C7orf57: variants seen among roughly 807,000 people sequenced by gnomAD.
The protein encoded by C7orf57 is uncharacterized protein C7orf57.
In C7orf57, 33 loss-of-function variants were observed where a neutral mutation model predicts 39.0. That is an observed-to-expected ratio of 0.85 (90% CI 0.64 to 1.13). The LOEUF (loss-of-function observed/expected upper bound fraction) is 1.13, where lower values mean the gene tolerates loss of function less well. Ranked by LOEUF, C7orf57 falls within the 50% of genes most tolerant of loss-of-function variation. The probability of loss-of-function intolerance (pLI) is 0.00; values close to 1 mark genes in which losing one functional copy is unlikely to be tolerated. For synonymous variants in C7orf57, 124 were observed against 137.1 expected, an observed-to-expected ratio of 0.90 and a Z score of 0.67; for missense variants, 346 against 362.3, an observed-to-expected ratio of 0.95 and a Z score of 0.37.
At chr7:48,040,502 C>G (rs1379931246) in intron 2 of C7orf57, among the ~76,000 whole-genome samples, 1 of 152,208 alleles carries the variant, frequency 6.6e-6, no homozygotes, top group South Asian at 2.1e-4. Flanking sequence ...TTTTCAGGAA[C>G]CATCTAGACC....
At chr7:48,053,016 A>G in intron 7 of C7orf57, 93 bp downstream of exon 7, 1 of 1,020,810 alleles carries the variant, frequency 9.8e-7, no homozygotes, top group Non-Finnish European at 1.5e-6. Flanking sequence ...TCTCGTAATG[A>G]GAAATGAGTA....
intron 2 of C7orf57, among the ~76,000 whole-genome samples, chr7:48,040,919 C>T (rs566252367): frequency 6.6e-6 from 1 of 152,314 alleles, no homozygotes; most frequent in South Asian, 2.1e-4. Context: ...CACAGGCTTA[C>T]CCATAACGTT....
At chr7:48,054,845 A>AGATGAT (rs756547871) in intron 8 of C7orf57, among the ~76,000 whole-genome samples, 76 of 150,010 alleles carry the variant, frequency 5.1e-4, no homozygotes, top group African/African-American at 1.4e-3. Context: ...AACAGGATGA[A>AGATGAT]GATGATGATG....
At chr7:48,044,959 A>G (rs973997166) in intron 4 of C7orf57, among the ~76,000 whole-genome samples, 8 of 152,184 alleles carry the variant, frequency 5.3e-5, no homozygotes, top group African/African-American at 1.9e-4. Context: ...TGTTACTTGA[A>G]TGTTCTGCAC....
At position 48,041,246 on chromosome 7, in the gene C7orf57, GT is replaced by G. The variant is rs1790537192; in HGVS notation, c.56-86del. 3 of 1,236,394 alleles carry G rather than the reference GT, an allele frequency of 2.4e-6. No individual in the cohort carries two copies. In the South Asian group the frequency reaches 4.8e-5, roughly 20 times the overall value. 76.6% of individuals were successfully genotyped at this position (1,236,394 alleles called of 1,614,324 possible). A position where few individuals can be genotyped will look rare whatever the true frequency, so the allele number is the denominator to read the frequency against. Reference sequence around the variant, plus strand: ...GGCTTGCACTGCCCCACCTGATGGTGTTGTCTGCATAGAGATACTCTGGTAG... The same window carrying G: ...GGCTTGCACTGCCCCACCTGATGGTGTGTCTGCATAGAGATACTCTGGTAG... On this transcript the variant is annotated intron_variant, in intron 2 of 8. Coordinates refer to ENST00000348904, the MANE Select transcript of C7orf57 (RefSeq NM_001100159.3).
chr7:48,050,827 A>G (rs1165758337), intron 6 of C7orf57, among the ~76,000 whole-genome samples: 1 of 151,730 alleles, frequency 6.6e-6, no homozygotes, highest in Non-Finnish European at 1.5e-5. Context: ...GCACCACCAC[A>G]CCCAGCTAAT....
Position 48,043,538 on chromosome 7 carries a change from TGCCAGAC to T in C7orf57, c.300_306del (p.Pro101GlyfsTer50). 1 of 1,613,990 alleles carries T rather than the reference TGCCAGAC, an allele frequency of 6.2e-7. No individual in the cohort carries two copies. Among genetic ancestry groups the T allele is most frequent in the South Asian group, 1.1e-5 (1 of 91,070 alleles). On this transcript the variant is annotated frameshift_variant, in exon 4 of 9. Transcript: ENST00000348904. LOFTEE classifies it high-confidence loss of function. ...AAAGGCTCTCCAGTGGCCTACTCCC[TGCCAGAC>T]TGGTATATCCACCACAGCAAGCCAC...
chr7:48,059,306 T>C (rs1458422793), intron 8 of C7orf57, among the ~76,000 whole-genome samples: 1 of 152,234 alleles, frequency 6.6e-6, no homozygotes, highest in African/African-American at 2.4e-5. Flanking sequence ...TCTCTCCACT[T>C]AGAGTGTGTT....
At chr7:48,054,886 A>T (rs7803968) in intron 8 of C7orf57, among the ~76,000 whole-genome samples, 20,801 of 150,090 alleles carry the variant, frequency 0.14, 2,236 homozygotes, top group African/African-American at 0.3. Flanking sequence ...TATTATTATT[A>T]TTTTTTTTGA....
intron 6 of C7orf57, among the ~76,000 whole-genome samples, chr7:48,052,071 T>G (rs531550475): frequency 1.6e-4 from 24 of 151,496 alleles, no homozygotes; most frequent in Admixed American, 4.6e-4. Flanking sequence ...CCTCCCAAGT[T>G]CAAGCAATTC....
rs553478065 is a variant in C7orf57, at chr7:48,046,567, A to G, written c.458A>G (p.Lys153Arg). ...SRRGPFDFDM[K>R]TVWQREAEEL... ...AGAGGGCCCTTCGACTTCGACATGA[A>G]AACAGTTTGGCAAAGAGAGGCTGAG... Residue 153 changes from lysine to arginine, a missense_variant, in exon 5 of 9, where the codon AAA becomes AGA. Coordinates refer to ENST00000348904, the MANE Select transcript of C7orf57 (RefSeq NM_001100159.3). The G allele has an allele frequency of 3.7e-6, 6 of 1,613,838 alleles. No individual in the cohort carries two copies. In the East Asian group the frequency reaches 1.1e-4, roughly 30 times the overall value.
intron 3 of C7orf57, among the ~76,000 whole-genome samples, chr7:48,042,685 T>G (rs1176147239): frequency 7.3e-6 from 1 of 136,676 alleles, no homozygotes; most frequent in African/African-American, 2.7e-5. Context: ...GCTTTAAAAG[T>G]AAAAAAAAAA....
intron 6 of C7orf57, among the ~76,000 whole-genome samples, chr7:48,051,818 TC>T: frequency 1.4e-4 from 1 of 6,912 alleles, no homozygotes; most frequent in Admixed American, 1.7e-3. Context: ...TTTTCTCTTC[TC>T]TTTCTTTCTT....
chr7:48,041,866 C>A (rs1790560742), intron 3 of C7orf57, among the ~76,000 whole-genome samples: 1 of 152,210 alleles, frequency 6.6e-6, no homozygotes, highest in Admixed American at 6.5e-5. Flanking sequence ...TCTTTGCATG[C>A]TACCAATTCT....
At chr7:48,044,476 C>T (rs533257622) in intron 4 of C7orf57, among the ~76,000 whole-genome samples, 1 of 152,258 alleles carries the variant, frequency 6.6e-6, no homozygotes, top group South Asian at 2.1e-4. Context: ...CGCTTTTAGC[C>T]TAATTGGTAT....
intron 6 of C7orf57, 84 bp from the exon 7 acceptor site, chr7:48,052,615 CT>C: frequency 9.0e-7 from 1 of 1,109,944 alleles, no homozygotes; most frequent in Non-Finnish European, 1.3e-6. Flanking sequence ...GTGACACCTC[CT>C]ATTTGGTGTG....
rs1419966817 is a variant in C7orf57, at chr7:48,035,707, G to C, written c.-102+77G>C. 7 of 589,072 alleles carry C rather than the reference G, an allele frequency of 1.2e-5. No individual in the cohort carries two copies. In the Admixed American group the frequency reaches 2.0e-4, roughly 17 times the overall value. The allele number at this position is 589,072 out of a possible 1,614,324, so 36.5% of individuals were successfully genotyped here. A position where few individuals can be genotyped will look rare whatever the true frequency, so the allele number is the denominator to read the frequency against. On this transcript the variant is annotated intron_variant, in intron 1 of 8. Transcript: ENST00000348904. The surrounding 1 kb of genome is among the most constrained non-coding windows in gnomAD (Gnocchi z 4.0). ...CCTTGTCCACTGTGCGGAGCTCGCA[G>C]TGCGGGCAGTGCGCGCCGGGGCTGG...
At chr7:48,043,613 T>A (rs1191355210) in intron 4 of C7orf57, 24 bp downstream of exon 4, 6 of 1,579,276 alleles carry the variant, frequency 3.8e-6, no homozygotes, top group Non-Finnish European at 5.2e-6. Flanking sequence ...AGCACTCACA[T>A]TTTTGTTTAT....
intron 8 of C7orf57, among the ~76,000 whole-genome samples, chr7:48,058,207 A>G (rs553048976): frequency 2.0e-5 from 3 of 152,308 alleles, no homozygotes; most frequent in South Asian, 4.1e-4. Context: ...TGCTGGCCTC[A>G]TAAAATGAGT....
Sources: gnomAD v4.1 joint callset for allele counts (sites outside exome capture counted in the v4.1 genomes callset) on GRCh38, gnomAD v4.1.1 for gene constraint, Gnocchi (gnomAD v3.1) non-coding constraint, MANE v1.5 for transcripts, NCBI Gene and HGNC (gene_info 2026-07-23, HGNC 2026-07-21) for gene names.